The following DSC3 variants were observed in gnomAD, a reference collection of about 807,000 sequenced individuals.
The protein encoded by DSC3 is desmocollin-3.
Under a neutral mutation model 89.5 loss-of-function variants are expected in DSC3, and 97 were observed. That is an observed-to-expected ratio of 1.08 (90% CI 0.92 to 1.28). DSC3 has a LOEUF of 1.28. Among genes scored for constraint, DSC3 ranks in the 50% most tolerant of loss-of-function variants. The pLI is 0.00. For missense variants in DSC3, 1,199 were observed against 1,085.3 expected (o/e 1.10, Z -1.47); for synonymous variants, 436 against 384.1 (o/e 1.14, Z -1.58).
rs951443354 is a variant in DSC3, at chr18:30,991,051, G to C, written c.*3124C>G. Reference sequence around the variant, plus strand: ...TAGAATTATTTAATCTCTAAATACAGCAAAAACAAGAAACCAAGTTAATAT... The same window carrying C: ...TAGAATTATTTAATCTCTAAATACACCAAAAACAAGAAACCAAGTTAATAT... On this transcript the variant is annotated 3_prime_UTR_variant, in exon 16 of 16. Transcript: ENST00000360428. 1 of 152,374 alleles carries C rather than the reference G, an allele frequency of 6.6e-6. No individual in the cohort carries two copies. The highest frequency in any genetic ancestry group is 2.4e-5 in the African/African-American group (1 of 41,512). The allele number at this position is 152,374 out of a possible 1,614,324, so 9.4% of individuals were successfully genotyped here. A position where few individuals can be genotyped will look rare whatever the true frequency, so the allele number is the denominator to read the frequency against.
At chr18:31,001,509 ATC>A in intron 14 of DSC3, 107 bp downstream of exon 14, 1 of 1,303,604 alleles carries the variant, frequency 7.7e-7, no homozygotes, top group Non-Finnish European at 1.1e-6. Context: ...TGCCTATGAA[ATC>A]TGATTCAATT....
At chr18:31,028,062 G>A (rs1376084989) in intron 4 of DSC3, among the ~76,000 whole-genome samples, 1 of 151,940 alleles carries the variant, frequency 6.6e-6, no homozygotes, top group Non-Finnish European at 1.5e-5. Context: ...AGATAGTTTG[G>A]GCTGGAAATA....
chr18:31,018,878 AC>A (rs1985324816), intron 7 of DSC3, 78 bp from the exon 8 acceptor site: 1 of 1,290,146 alleles, frequency 7.8e-7, no homozygotes, highest in Non-Finnish European at 1.1e-6. Flanking sequence ...TTGCACACTC[AC>A]TCACTCACAT....
chr18:31,033,226 A>G (rs1238855361), intron 1 of DSC3, among the ~76,000 whole-genome samples: 1 of 152,322 alleles, frequency 6.6e-6, no homozygotes, highest in East Asian at 1.9e-4. Flanking sequence ...TAATTTACAG[A>G]TTCAATACAA....
Position 30,991,835 on chromosome 18 carries a change from A to G in DSC3, c.*2340T>C, listed in dbSNP as rs1984255377. On this transcript the variant is annotated 3_prime_UTR_variant, in exon 16 of 16. Transcript: ENST00000360428. ...CAATTCGTATGATCAACTTTCACAC[A>G]TGTTCAAAATGATTACATTAAAAGA... The G allele has an allele frequency of 6.6e-6, 1 of 152,102 alleles. No homozygotes were observed. Among genetic ancestry groups the G allele is most frequent in the African/African-American group, 2.4e-5 (1 of 41,424 alleles). The allele number at this position is 152,102 out of a possible 1,614,324, so 9.4% of individuals were successfully genotyped here.
In DSC3 at chr18:31,028,743, C is replaced by T. The variant is rs114675083; in HGVS notation, c.474+766G>A. Among the ~76,000 whole-genome samples the T allele has an allele frequency of 7.8e-3, 1,193 of 152,154 alleles. 20 individuals are homozygous for T. The highest frequency in any genetic ancestry group is 0.028 in the African/African-American group (1,154 of 41,510). ...GGTTTCAATTGTGCATGTTCTATTA[C>T]CTTAATGAGAAAACTAAACCTGATC... On this transcript the variant is annotated intron_variant, in intron 4 of 15. Coordinates refer to ENST00000360428, the MANE Select transcript of DSC3 (RefSeq NM_001941.5).
chr18:31,042,652 G>T lies in DSC3; in HGVS notation c.9C>A (p.Ala3=). The change falls in exon 1 of 16, where the codon GCC becomes GCA. Residue 3 remains alanine (A), a synonymous_variant. Transcript: ENST00000360428. The part of the protein sequence containing the change: MA[A]AGPRRSVRGA... ...CGCGCACGGAGCGCCGGGGCCCAGC[G>T]GCGGCCATCGGGATGCCGGGCAGGG... 2.6e-6 allele frequency: 4 copies of T among 1,549,398 alleles called. No individual in the cohort carries two copies. Among genetic ancestry groups the T allele is most frequent in the Non-Finnish European group, 3.5e-6 (4 of 1,146,330 alleles).
At chr18:31,037,081 G>A (rs276934) in intron 1 of DSC3, among the ~76,000 whole-genome samples, 87,674 of 151,766 alleles carry the variant, frequency 0.58, 26,037 homozygotes, top group East Asian at 0.94. Flanking sequence ...GTGAGCCACC[G>A]CACTCGGCCG....
chr18:30,996,341 A>G (rs1005238909), intron 15 of DSC3, among the ~76,000 whole-genome samples: 2 of 152,190 alleles, frequency 1.3e-5, no homozygotes, highest in Admixed American at 6.5e-5. Context: ...ATACAATTAA[A>G]TTTTGTCAAT....
chr18:31,039,244 T>A (rs182081772), intron 1 of DSC3, among the ~76,000 whole-genome samples: 95 of 152,264 alleles, frequency 6.2e-4, no homozygotes, highest in Non-Finnish European at 1.0e-3. Context: ...AGACGAATCA[T>A]TAAATCCTGA....
chr18:30,995,767 T>C (rs1181739128), intron 15 of DSC3, among the ~76,000 whole-genome samples: 1 of 151,678 alleles, frequency 6.6e-6, no homozygotes, highest in African/African-American at 2.4e-5. Context: ...AGCCTGGGAA[T>C]TGGAGACCAA....
At chr18:31,012,909 T>C (rs1226207413) in intron 9 of DSC3, among the ~76,000 whole-genome samples, 1 of 152,118 alleles carries the variant, frequency 6.6e-6, no homozygotes, top group African/African-American at 2.4e-5. Flanking sequence ...ATGCTAATTC[T>C]CTCCTACTCT....
At chr18:31,042,565 A>C in intron 1 of DSC3, 27 bp downstream of exon 1, 1 of 1,549,066 alleles carries the variant, frequency 6.5e-7, no homozygotes, top group Non-Finnish European at 8.7e-7. Flanking sequence ...TCCCCACCCC[A>C]GCCCTATCCG....
chr18:31,039,704 A>G (rs188629187), intron 1 of DSC3, among the ~76,000 whole-genome samples: 2 of 152,272 alleles, frequency 1.3e-5, no homozygotes, highest in Admixed American at 1.3e-4. Flanking sequence ...CATATATGGT[A>G]CAGGACTGCC....
intron 12 of DSC3, among the ~76,000 whole-genome samples, chr18:31,005,812 A>G (rs1227915183): frequency 6.6e-6 from 1 of 152,214 alleles, no homozygotes; most frequent in African/African-American, 2.4e-5. Flanking sequence ...GCGAAGGGTC[A>G]TGGTGCCACT....
At chr18:31,029,462 G>C in intron 4 of DSC3, 47 bp downstream of exon 4, 2 of 1,609,060 alleles carry the variant, frequency 1.2e-6, no homozygotes, top group Admixed American at 1.7e-5. Flanking sequence ...CAATGAAACA[G>C]ACTCTTAGAA....
intron 14 of DSC3, 76 bp from the exon 15 acceptor site, chr18:30,997,124 G>A: frequency 1.9e-6 from 3 of 1,545,842 alleles, no homozygotes; most frequent in South Asian, 1.1e-5. Flanking sequence ...AAAGGAGAGA[G>A]AATATTTGTT....
chr18:31,005,184 C>T (rs1175627415), intron 12 of DSC3, among the ~76,000 whole-genome samples: 2 of 152,160 alleles, frequency 1.3e-5, no homozygotes, highest in Admixed American at 6.5e-5. Flanking sequence ...CCTGAAGGCT[C>T]CCTAGAGGAA....
At chr18:31,019,094 A>AGTTTT (rs200038591) in intron 7 of DSC3, among the ~76,000 whole-genome samples, 1,650 of 152,274 alleles carry the variant, frequency 0.011, 27 homozygotes, top group African/African-American at 0.038. Flanking sequence ...AGAATATTTG[A>AGTTTT]GTTTTGTTTT....
Sources: allele counts gnomAD v4.1 joint callset (sites outside exome capture counted in the v4.1 genomes callset), GRCh38; gene constraint gnomAD v4.1.1; transcripts MANE v1.5; gene names NCBI Gene and HGNC (gene_info 2026-07-23, HGNC 2026-07-21).